Variants in SMARCB1 observed in about 807,000 individuals in gnomAD.
The protein encoded by SMARCB1 is SWI/SNF-related matrix-associated actin-dependent regulator of chromatin subfamily B member 1.
A neutral mutation model predicts 49.0 loss-of-function variants in SMARCB1; 5 were observed. That is an observed-to-expected ratio of 0.10 (90% CI 0.05 to 0.21). SMARCB1 has a LOEUF of 0.21. SMARCB1 is among the 10% of genes least tolerant of loss of function. The probability of loss-of-function intolerance (pLI) is 1.00; values close to 1 mark genes in which losing one functional copy is unlikely to be tolerated. For missense variants in SMARCB1, 226 were observed against 509.2 expected (o/e 0.44, Z 5.35); for synonymous variants, 201 against 200.1 (o/e 1.00, Z -0.04).
chr22:23,830,310 C>T (rs2030586774), intron 7 of SMARCB1, among the ~76,000 whole-genome samples: 1 of 152,188 alleles, frequency 6.6e-6, no homozygotes, highest in African/African-American at 2.4e-5. Context: ...ATCCTGCTGG[C>T]ATTTGCTGTT....
At chr22:23,831,898 CCA>C (rs2030674973) in intron 7 of SMARCB1, among the ~76,000 whole-genome samples, 1 of 152,170 alleles carries the variant, frequency 6.6e-6, no homozygotes. Flanking sequence ...TGGGTCAGCC[CCA>C]GAGGGTGGGG....
intron 7 of SMARCB1, among the ~76,000 whole-genome samples, chr22:23,832,668 G>A (rs540718986): frequency 2.0e-5 from 3 of 149,436 alleles, no homozygotes; most frequent in African/African-American, 4.9e-5. Context: ...TCAGAGGTGG[G>A]GGTGACGGGA....
chr22:23,805,482 C>T (rs1929436990), intron 5 of SMARCB1, among the ~76,000 whole-genome samples: 1 of 152,132 alleles, frequency 6.6e-6, no homozygotes, highest in African/African-American at 2.4e-5. Flanking sequence ...CCTTTAAGGT[C>T]AGGGGCCTTG....
chr22:23,812,618 T>TTA, intron 5 of SMARCB1, among the ~76,000 whole-genome samples: 1 of 152,314 alleles, frequency 6.6e-6, no homozygotes, highest in South Asian at 2.1e-4. Context: ...ATAGAAATAA[T>TTA]TATATACTGT....
In SMARCB1 at chr22:23,833,592, T is replaced by C; in HGVS notation, c.1007T>C (p.Val336Ala). 6.2e-7 allele frequency: 1 copy of C among 1,614,136 alleles called. No homozygotes were observed. The part of the protein sequence containing the change: ...YAFSENPLPT[V>A]EIAIRNTGDA... ...CGTAGCGAGAACCCTCTGCCCACAG[T>C]GGAGATTGCCATCCGGAACACGGGC... is the stretch of plus-strand genomic sequence containing the variant. Residue 336 changes from valine (V) to alanine (A), a missense_variant, in exon 8 of 9, where the codon GTG becomes GCG. Val to Ala is a moderately conservative substitution (Grantham distance 64). Around this residue, in one of 6 missense-constraint regions of SMARCB1, gnomAD observed 35 missense variants for 107.2 expected, o/e 0.33. Transcript: ENST00000644036.
chr22:23,789,016 ATT>A (rs1335621855), intron 1 of SMARCB1, among the ~76,000 whole-genome samples: 3 of 152,028 alleles, frequency 2.0e-5, no homozygotes, highest in Non-Finnish European at 4.4e-5. Flanking sequence ...CACCCGGCTA[ATT>A]TTTATATTTT....
intron 3 of SMARCB1, among the ~76,000 whole-genome samples, chr22:23,798,025 A>G (rs1928888350): frequency 6.6e-6 from 1 of 152,178 alleles, no homozygotes; most frequent in Non-Finnish European, 1.5e-5. Context: ...TTGAGTTGAT[A>G]GCTAGACCTG....
intron 5 of SMARCB1, among the ~76,000 whole-genome samples, chr22:23,809,275 C>T (rs1010561976): frequency 4.2e-4 from 57 of 134,340 alleles, no homozygotes; most frequent in Non-Finnish European, 7.9e-4. Context: ...ATTGGACATT[C>T]TTTTTTTTTT....
In SMARCB1 at chr22:23,835,021, G is replaced by A; in HGVS notation, c.*841G>A. ...TGTTCTAGCTCCAGTGGCACCCATA[G>A]CCAGGTCAGCTGGGGCCCTTTCCCA... On this transcript the variant is annotated 3_prime_UTR_variant, in exon 9 of 9. Coordinates refer to ENST00000644036, the MANE Select transcript of SMARCB1 (RefSeq NM_003073.5). 1 of 1,431,578 alleles carries A rather than the reference G, an allele frequency of 7.0e-7. No homozygotes were observed. Among genetic ancestry groups the A allele is most frequent in the Non-Finnish European group, 9.1e-7 (1 of 1,094,626 alleles). 88.7% of individuals were successfully genotyped at this position (1,431,578 alleles called of 1,614,324 possible). A position where few individuals can be genotyped will look rare whatever the true frequency, so the allele number is the denominator to read the frequency against.
intron 1 of SMARCB1, among the ~76,000 whole-genome samples, chr22:23,787,974 A>G (rs1053392189): frequency 6.6e-6 from 1 of 152,214 alleles, no homozygotes; most frequent in Non-Finnish European, 1.5e-5. Context: ...CATCAACTGG[A>G]TGACTGACTT....
chr22:23,814,073 G>A lies in SMARCB1; in HGVS notation c.629-2697G>A, dbSNP rs572942167. ...TCAAACTCCTGAGCTCAGGCAGTCCGCCTGTCTCAGCCTCCCAAAGTGCTG... is the reference window on the plus strand; with the variant it reads ...TCAAACTCCTGAGCTCAGGCAGTCCACCTGTCTCAGCCTCCCAAAGTGCTG... On this transcript the variant is annotated intron_variant, in intron 5 of 8. Transcript: ENST00000644036. 5.9e-5 allele frequency among the ~76,000 whole-genome samples: 9 copies of A among 152,116 alleles called. No individual in the cohort carries two copies. The South Asian group carries it at 1.2e-3, about 21-fold the overall frequency.
chr22:23,822,542 C>T (rs146595159), intron 6 of SMARCB1, among the ~76,000 whole-genome samples: 673 of 152,288 alleles, frequency 4.4e-3, no homozygotes, highest in Non-Finnish European at 8.1e-3. Context: ...GCCCATGTCT[C>T]TTGTCTGCCC....
intron 2 of SMARCB1, chr22:23,792,102 G>A (rs1034945933): frequency 4.5e-5 from 28 of 616,134 alleles, no homozygotes; most frequent in African/African-American, 4.4e-4. Flanking sequence ...ATTTCCAGCA[G>A]GGCCATTGGG....
rs2145963919 is a variant in SMARCB1, at chr22:23,793,603, G to A, written c.277G>A (p.Ala93Thr). The change falls in exon 3 of 9, where the codon GCC becomes ACC. Residue 93 changes from alanine to threonine, a missense_variant. Ala to Thr is a moderately conservative substitution (Grantham distance 58). Coordinates refer to ENST00000644036, the MANE Select transcript of SMARCB1 (RefSeq NM_003073.5). ...TLATSVTLLK[A>T]SEVEEILDGN... ...AGCCACCAGTGTGACCCTGTTAAAA[G>A]CCTCGGAAGTGGAAGAGATTCTGGA... 2 of 1,614,048 alleles carry A rather than the reference G, an allele frequency of 1.2e-6. No homozygotes were observed. Among genetic ancestry groups the A allele is most frequent in the Non-Finnish European group, 1.7e-6 (2 of 1,179,984 alleles).
Position 23,833,786 on chromosome 22 carries a change from C to G in SMARCB1, c.1118+83C>G, listed in dbSNP as rs1337458824. ...AGGCAGGGCCATTGCCTTTCCCAGT[C>G]TCCCATGGTCTCTGAGACAGAGTAC... On this transcript the variant is annotated intron_variant, in intron 8 of 8. Coordinates refer to ENST00000644036, the MANE Select transcript of SMARCB1 (RefSeq NM_003073.5). 5 of 1,494,450 alleles carry G rather than the reference C, an allele frequency of 3.3e-6. No homozygotes were observed. In the African/African-American group the frequency reaches 4.1e-5, roughly 12 times the overall value. 92.6% of individuals were successfully genotyped at this position (1,494,450 alleles called of 1,614,324 possible).
chr22:23,807,904 C>T (rs1298791723), intron 5 of SMARCB1, among the ~76,000 whole-genome samples: 5 of 149,292 alleles, frequency 3.3e-5, no homozygotes. Flanking sequence ...ACGCCATTCT[C>T]CTGCCTCAGT....
intron 5 of SMARCB1, among the ~76,000 whole-genome samples, chr22:23,806,305 G>A (rs994171285): frequency 6.6e-6 from 1 of 152,312 alleles, no homozygotes; most frequent in African/African-American, 2.4e-5. Context: ...TCCACAGTGA[G>A]TTTCACTGGG....
At chr22:23,805,834 A>G (rs1467977109) in intron 5 of SMARCB1, among the ~76,000 whole-genome samples, 2 of 152,206 alleles carry the variant, frequency 1.3e-5, no homozygotes, top group African/African-American at 4.8e-5. Context: ...AATCTAGCCC[A>G]GCATAGGAAC....
At position 23,837,203 on chromosome 22, in the gene SMARCB1, C is replaced by T; in HGVS notation, c.*3023C>T. 11 of 1,602,484 alleles carry T rather than the reference C, an allele frequency of 6.9e-6. No homozygotes were observed. The highest frequency in any genetic ancestry group is 9.4e-6 in the Non-Finnish European group (11 of 1,175,020). On this transcript the variant is annotated 3_prime_UTR_variant, in exon 9 of 9. Coordinates refer to ENST00000644036, the MANE Select transcript of SMARCB1 (RefSeq NM_003073.5). ...GGGTCACCCTCCACAGCCCAGAGTC[C>T]TAGACCAGCAGAGCCTGCCCCAGGC...
Sources: gnomAD v4.1 joint callset for allele counts (sites outside exome capture counted in the v4.1 genomes callset) on GRCh38, gnomAD v4.1.1 for gene constraint, gnomAD v4.1.1 regional missense constraint, MANE v1.5 for transcripts, NCBI Gene and HGNC (gene_info 2026-07-23, HGNC 2026-07-21) for gene names.